Variants in PCDH15 observed in about 807,000 individuals in gnomAD.
PCDH15 encodes the protein protocadherin related 15.
Under a neutral mutation model 178.5 loss-of-function variants are expected in PCDH15, and 129 were observed. The ratio of observed to expected loss-of-function variants is 0.72; its 90% CI spans 0.63 to 0.84. PCDH15 has a LOEUF of 0.84. Among genes scored for constraint, PCDH15 ranks in the 40% least tolerant of loss-of-function variants. The probability of loss-of-function intolerance (pLI) is 0.00; values close to 1 mark genes in which losing one functional copy is unlikely to be tolerated. For synonymous variants in PCDH15, 800 were observed against 732.0 expected, an observed-to-expected ratio of 1.09 and a Z score of -1.50; for missense variants, 2,230 against 2,099.9, an observed-to-expected ratio of 1.06 and a Z score of -1.21.
chr10:55,262,050 G>A (rs977409672), intron 1 of PCDH15, among the ~76,000 whole-genome samples: 3 of 149,612 alleles, frequency 2.0e-5, no homozygotes, highest in African/African-American at 7.4e-5. Flanking sequence ...GAGGGAAAAA[G>A]GAAGGGAGGG....
At chr10:54,810,568 T>C (rs1952846712) in intron 3 of PCDH15, among the ~76,000 whole-genome samples, 1 of 152,140 alleles carries the variant, frequency 6.6e-6, no homozygotes, top group South Asian at 2.1e-4. Context: ...AATAATATAC[T>C]TTAATACCTT....
chr10:53,883,600 T>C (rs985128722), intron 26 of PCDH15, among the ~76,000 whole-genome samples: 2 of 152,186 alleles, frequency 1.3e-5, no homozygotes, highest in Admixed American at 1.3e-4. Flanking sequence ...GGAAGGAAGA[T>C]ATGTATGTTT....
chr10:55,046,472 C>T (rs1841009585), intron 2 of PCDH15, among the ~76,000 whole-genome samples: 1 of 151,848 alleles, frequency 6.6e-6, no homozygotes, highest in South Asian at 2.1e-4. Flanking sequence ...TAGAAACTGA[C>T]ATTGGGCCTG....
chr10:54,074,952 C>A (rs892175315), intron 17 of PCDH15, among the ~76,000 whole-genome samples: 12 of 152,106 alleles, frequency 7.9e-5, no homozygotes, highest in African/African-American at 2.7e-4. Flanking sequence ...CCTTGATTTG[C>A]ATTTCCATAA....
chr10:55,519,230 T>C (rs1841096938), intron 2 of PCDH15, among the ~76,000 whole-genome samples: 1 of 151,010 alleles, frequency 6.6e-6, no homozygotes, highest in Non-Finnish European at 1.5e-5. Flanking sequence ...CCTTCATGTT[T>C]CTCTCCTCTT....
chr10:53,931,840 A>T (rs1278725597), intron 25 of PCDH15, among the ~76,000 whole-genome samples: 1 of 152,182 alleles, frequency 6.6e-6, no homozygotes, highest in African/African-American at 2.4e-5. Flanking sequence ...CCCAGCTTAG[A>T]TATGTTAATG....
At chr10:55,436,336 G>A (rs1322734514) in intron 2 of PCDH15, among the ~76,000 whole-genome samples, 4 of 152,024 alleles carry the variant, frequency 2.6e-5, no homozygotes, top group Admixed American at 2.0e-4. Context: ...TTAAAATTCT[G>A]AGACAAAATT....
intron 21 of PCDH15, among the ~76,000 whole-genome samples, chr10:53,987,929 A>T (rs2134734246): frequency 6.6e-6 from 1 of 152,148 alleles, no homozygotes; most frequent in East Asian, 1.9e-4. Context: ...AAATTCTGAG[A>T]GTCTATTTCC....
intron 8 of PCDH15, among the ~76,000 whole-genome samples, chr10:54,283,455 G>C (rs911619287): frequency 6.6e-6 from 1 of 152,106 alleles, no homozygotes; most frequent in Non-Finnish European, 1.5e-5. Context: ...GCTGAGTTTA[G>C]ATAAGAGGTG....
chr10:55,254,283 C>T (rs1164063935), intron 1 of PCDH15, among the ~76,000 whole-genome samples: 1 of 152,094 alleles, frequency 6.6e-6, no homozygotes, highest in Non-Finnish European at 1.5e-5. Flanking sequence ...AGAGACTCAA[C>T]TCCTTCAGTT....
intron 21 of PCDH15, among the ~76,000 whole-genome samples, chr10:53,991,860 C>G (rs530996907): frequency 6.6e-6 from 1 of 151,790 alleles, no homozygotes; most frequent in Admixed American, 6.6e-5. Context: ...TAAAATGGAC[C>G]AATCAGCTCT....
Position 55,204,266 on chromosome 10 carries a change from A to C in PCDH15, c.-155-37615T>G, listed in dbSNP as rs1840332920. ...GACTTTTAAATATTTAATATATTGA[A>C]GGAAGTGTTTAATGTATTGAATTTT... is the stretch of plus-strand genomic sequence containing the variant. On this transcript the variant is annotated intron_variant, in intron 1 of 5. Coordinates refer to the PCDH15 transcript ENST00000458638. Among the ~76,000 whole-genome samples the C allele has an allele frequency of 2.7e-5, 4 of 150,162 alleles. No individual in the cohort carries two copies. The South Asian group carries it at 8.4e-4, about 31-fold the overall frequency.
chr10:55,197,282 T>G (rs1266324074), intron 1 of PCDH15, among the ~76,000 whole-genome samples: 2 of 152,080 alleles, frequency 1.3e-5, no homozygotes, highest in East Asian at 3.8e-4. Context: ...AAAAAGTAAC[T>G]TGCAATAACC....
At chr10:54,229,144 C>T (rs2053786416) in intron 9 of PCDH15, among the ~76,000 whole-genome samples, 2 of 152,082 alleles carry the variant, frequency 1.3e-5, no homozygotes, top group Admixed American at 6.6e-5. Flanking sequence ...ATGGAAAAAT[C>T]CCTTCCCATT....
At chr10:55,007,916 T>C (rs1839970263) in intron 2 of PCDH15, among the ~76,000 whole-genome samples, 1 of 152,244 alleles carries the variant, frequency 6.6e-6, no homozygotes, top group African/African-American at 2.4e-5. Flanking sequence ...ATACATGAAA[T>C]TGGATCCTGC....
At chr10:54,727,152 T>A (rs1431328107) in intron 1 of PCDH15, among the ~76,000 whole-genome samples, 1 of 151,416 alleles carries the variant, frequency 6.6e-6, no homozygotes, top group Non-Finnish European at 1.5e-5. Flanking sequence ...TACATTCTTC[T>A]TACCTGCACA....
intron 2 of PCDH15, among the ~76,000 whole-genome samples, chr10:54,647,798 T>C (rs1353628311): frequency 6.6e-6 from 1 of 152,244 alleles, no homozygotes; most frequent in African/African-American, 2.4e-5. Context: ...GAAAATGCTA[T>C]TTTTCTGTAG....
intron 3 of PCDH15, among the ~76,000 whole-genome samples, chr10:54,404,797 A>C (rs1952418548): frequency 6.6e-6 from 1 of 152,218 alleles, no homozygotes; most frequent in Non-Finnish European, 1.5e-5. Flanking sequence ...ATTTAAGCAA[A>C]TTTTTAAGGA....
chr10:55,167,212 C>A (rs1318538152), intron 1 of PCDH15, among the ~76,000 whole-genome samples: 1 of 152,096 alleles, frequency 6.6e-6, no homozygotes, highest in African/African-American at 2.4e-5. Context: ...CACCTGGGCT[C>A]AAGCTATTCT....
Sources: allele counts gnomAD v4.1 joint callset (sites outside exome capture counted in the v4.1 genomes callset), GRCh38; gene constraint gnomAD v4.1.1; transcripts MANE v1.5; gene names NCBI Gene and HGNC (gene_info 2026-07-23, HGNC 2026-07-21).